Variants in SMYD3 observed in about 807,000 individuals in gnomAD.
The protein encoded by SMYD3 is SET and MYND domain containing 3, also known as histone-lysine N-methyltransferase SMYD3.
A neutral mutation model predicts 57.7 loss-of-function variants in SMYD3; 36 were observed. The ratio of observed to expected loss-of-function variants is 0.62; its 90% confidence interval spans 0.48 to 0.82. SMYD3 has a LOEUF of 0.82. SMYD3 is among the 40% of genes least tolerant of loss of function. SMYD3 has a pLI of 0.00. For synonymous variants in SMYD3, 211 were observed against 195.0 expected, an observed-to-expected ratio of 1.08 and a Z score of -0.68; for missense variants, 515 against 538.8, an observed-to-expected ratio of 0.96 and a Z score of 0.44.
chr1:246,197,981 G>C (rs1042219719), intron 5 of SMYD3, among the ~76,000 whole-genome samples: 1 of 152,128 alleles, frequency 6.6e-6, no homozygotes, highest in African/African-American at 2.4e-5. Context: ...GTGTGGGCTA[G>C]GATAAAACTG....
At chr1:245,804,427 G>A (rs918811600) in intron 10 of SMYD3, among the ~76,000 whole-genome samples, 22 of 151,982 alleles carry the variant, frequency 1.4e-4, no homozygotes, top group Non-Finnish European at 2.6e-4. Flanking sequence ...CTAAAAATAC[G>A]GGCGCCTGTA....
At chr1:246,076,968 C>T (rs2060560412) in intron 5 of SMYD3, among the ~76,000 whole-genome samples, 1 of 152,110 alleles carries the variant, frequency 6.6e-6, no homozygotes, top group Non-Finnish European at 1.5e-5. Context: ...GAGAGACAAT[C>T]TTTTCAGTTG....
At chr1:246,091,726 T>C (rs564862213) in intron 5 of SMYD3, among the ~76,000 whole-genome samples, 1 of 152,244 alleles carries the variant, frequency 6.6e-6, no homozygotes, top group Non-Finnish European at 1.5e-5. Flanking sequence ...TGGAAATATG[T>C]GAGCTCAATG....
chr1:246,146,936 G>A (rs1419871304), intron 5 of SMYD3, among the ~76,000 whole-genome samples: 1 of 152,232 alleles, frequency 6.6e-6, no homozygotes, highest in African/African-American at 2.4e-5. Flanking sequence ...CCTGCAGACG[G>A]TTGTGTGTGG....
At chr1:246,098,474 T>C (rs1330016339) in intron 5 of SMYD3, among the ~76,000 whole-genome samples, 2 of 152,370 alleles carry the variant, frequency 1.3e-5, no homozygotes, top group African/African-American at 4.8e-5. Context: ...ACAATTTGAA[T>C]GTTTAAATAT....
chr1:246,041,401 T>C (rs1041175987), intron 5 of SMYD3, among the ~76,000 whole-genome samples: 9 of 152,166 alleles, frequency 5.9e-5, no homozygotes, highest in Non-Finnish European at 1.3e-4. Context: ...AAAATACTAA[T>C]CATCAAAAGA....
intron 1 of SMYD3, among the ~76,000 whole-genome samples, chr1:246,416,147 G>T (rs2067057200): frequency 6.6e-6 from 1 of 151,958 alleles, no homozygotes. Context: ...TTTTATCCTG[G>T]GGTAAATAGT....
chr1:246,359,663 A>G (rs1160080268), intron 1 of SMYD3, among the ~76,000 whole-genome samples: 1 of 152,182 alleles, frequency 6.6e-6, no homozygotes, highest in East Asian at 1.9e-4. Flanking sequence ...CTTAACATCC[A>G]TAACTCAAAT....
At chr1:246,495,559 GAGGGAAAAAGTCCCAAGAACT>G (rs1180130865) in intron 1 of SMYD3, among the ~76,000 whole-genome samples, 1 of 152,088 alleles carries the variant, frequency 6.6e-6, no homozygotes, top group Non-Finnish European at 1.5e-5. Flanking sequence ...CAAACACAAA[GAGGGAAAAAGTCCCAAGAACT>G]AGTTAGTTAC....
At chr1:246,238,100 G>C (rs2063540341) in intron 5 of SMYD3, among the ~76,000 whole-genome samples, 1 of 152,086 alleles carries the variant, frequency 6.6e-6, no homozygotes, top group Non-Finnish European at 1.5e-5. Context: ...GTCTGGCTCT[G>C]TTGACCAGGA....
At chr1:245,876,907 A>G (rs538702214) in intron 8 of SMYD3, among the ~76,000 whole-genome samples, 1 of 152,188 alleles carries the variant, frequency 6.6e-6, no homozygotes, top group South Asian at 2.1e-4. Flanking sequence ...GGAGAAGAGG[A>G]TGCATGAGTG....
chr1:246,266,399 C>T (rs1047193907), intron 5 of SMYD3, among the ~76,000 whole-genome samples: 1 of 151,640 alleles, frequency 6.6e-6, no homozygotes, highest in African/African-American at 2.4e-5. Context: ...ATTTTGTTCA[C>T]ATTATTATTA....
At chr1:245,963,501 C>G (rs1572801006) in intron 5 of SMYD3, among the ~76,000 whole-genome samples, 1 of 151,706 alleles carries the variant, frequency 6.6e-6, no homozygotes, top group East Asian at 1.9e-4. Flanking sequence ...AGGTGCCCAT[C>G]ATGGGGAGTA....
chr1:246,130,109 C>A (rs1031838238), intron 5 of SMYD3, among the ~76,000 whole-genome samples: 3 of 152,138 alleles, frequency 2.0e-5, no homozygotes, highest in East Asian at 1.9e-4. Flanking sequence ...GTGACCACAG[C>A]AAGTCATCAG....
chr1:246,454,882 T>C (rs893557068), intron 1 of SMYD3, among the ~76,000 whole-genome samples: 3 of 152,194 alleles, frequency 2.0e-5, no homozygotes, highest in Admixed American at 6.5e-5. Context: ...AATAGGCACA[T>C]TGAGCTCTGT....
At chr1:246,273,441 C>G (rs996946798) in intron 5 of SMYD3, among the ~76,000 whole-genome samples, 1 of 151,968 alleles carries the variant, frequency 6.6e-6, no homozygotes. Flanking sequence ...TGAGCCACCA[C>G]GCCCGGCCCA....
At chr1:246,090,953 G>A (rs1383992641) in intron 5 of SMYD3, among the ~76,000 whole-genome samples, 4 of 152,270 alleles carry the variant, frequency 2.6e-5, no homozygotes, top group Admixed American at 6.5e-5. Context: ...TGGGAACCTC[G>A]TCGGGGAAAC....
chr1:246,320,482 C>T (rs1263398632), intron 5 of SMYD3, among the ~76,000 whole-genome samples: 1 of 152,130 alleles, frequency 6.6e-6, no homozygotes, highest in African/African-American at 2.4e-5. Context: ...TAAAGTTCAG[C>T]AGTACTTTGC....
intron 1 of SMYD3, among the ~76,000 whole-genome samples, chr1:246,375,264 G>A (rs10924710): frequency 0.25 from 36,127 of 146,328 alleles, 4,728 homozygotes; most frequent in East Asian, 0.52. Flanking sequence ...AGTTTTCACA[G>A]TAACTTTATA....
Sources: allele counts gnomAD v4.1 joint callset (sites outside exome capture counted in the v4.1 genomes callset), GRCh38; gene constraint gnomAD v4.1.1; transcripts MANE v1.5; gene names NCBI Gene and HGNC (gene_info 2026-07-23, HGNC 2026-07-21).